Variants in AGFG2 observed in about 807,000 individuals in gnomAD.
AGFG2 encodes arf-GAP domain and FG repeat-containing protein 2.
A neutral mutation model predicts 48.0 loss-of-function variants in AGFG2; 31 were observed. That is an observed-to-expected ratio of 0.65 (90% CI 0.49 to 0.87). The LOEUF (loss-of-function observed/expected upper bound fraction) is 0.87, where lower values mean the gene tolerates loss of function less well. Among genes scored for constraint, AGFG2 ranks in the 40% least tolerant of loss-of-function variants. AGFG2 has a pLI of 0.00. For synonymous variants in AGFG2, 229 were observed against 260.8 expected, an observed-to-expected ratio of 0.88 and a Z score of 1.18; for missense variants, 599 against 632.6, an observed-to-expected ratio of 0.95 and a Z score of 0.57.
intron 3 of AGFG2, among the ~76,000 whole-genome samples, chr7:100,551,030 TTA>T (rs373297543): frequency 0.017 from 941 of 55,958 alleles, 23 homozygotes; most frequent in South Asian, 0.046. Context: ...CCTGGCTAAT[TTA>T]TATATATATA....
In AGFG2 at chr7:100,539,387, G is replaced by C; in HGVS notation, c.41G>C (p.Gly14Ala). ...AAGAAGGGCCCGGGCCCGGGCGGCG[G>C]GGTCAGCGGGGGCAAGGCGGAGGCG... The part of the protein sequence containing the change: ...AAKKGPGPGG[G>A]VSGGKAEAEA... The change falls in exon 1 of 12, where the codon GGG (glycine) becomes GCG (alanine). Residue 14 changes from glycine (G) to alanine (A), a missense_variant. Gly to Ala is a moderately conservative substitution (Grantham distance 60, BLOSUM62 0). Coordinates refer to ENST00000300176, the MANE Select transcript of AGFG2 (RefSeq NM_006076.5). 1 of 1,298,558 alleles carries C rather than the reference G, an allele frequency of 7.7e-7. No individual in the cohort carries two copies. Among genetic ancestry groups the C allele is most frequent in the Non-Finnish European group, 9.8e-7 (1 of 1,019,924 alleles). 80.4% of individuals were successfully genotyped at this position (1,298,558 alleles called of 1,614,324 possible).
In AGFG2 at chr7:100,554,300, G is replaced by A. The variant is rs770395317; in HGVS notation, c.751+42G>A. 3.2e-6 allele frequency: 5 copies of A among 1,570,614 alleles called. No individual in the cohort carries two copies. The African/African-American group carries it at 5.4e-5, about 17-fold the overall frequency. On this transcript the variant is annotated intron_variant, in intron 5 of 11. Transcript: ENST00000300176. ...ATGGGACCCTCCCTACAGCGTATAT[G>A]CTTACAACATGAGAGATCCAGTCCC... is the stretch of plus-strand genomic sequence containing the variant.
At chr7:100,557,198 C>T (rs79788092) in intron 6 of AGFG2, among the ~76,000 whole-genome samples, 8 of 86,936 alleles carry the variant, frequency 9.2e-5, no homozygotes, top group African/African-American at 3.5e-4. Flanking sequence ...ACTCTTGTCT[C>T]AAAAAAAAAA....
chr7:100,564,034 C>A, intron 10 of AGFG2, 72 bp downstream of exon 10: 3 of 1,583,594 alleles, frequency 1.9e-6, no homozygotes, highest in Non-Finnish European at 1.7e-6. Flanking sequence ...GTTGTTCCTC[C>A]GACCTCATCA....
rs566346061 is a variant in AGFG2 at position 100,561,774 on chromosome 7, G to T, written c.878-485G>T. ...TCCCGAGAAGCAGCGGCTAAATGGG[G>T]AAGGGACAGTGCTGATAGCTGGAGG... On this transcript the variant is annotated intron_variant, in intron 6 of 11. Transcript: ENST00000300176. 6.6e-5 allele frequency among the ~76,000 whole-genome samples: 10 copies of T among 152,348 alleles called. No individual in the cohort carries two copies. The South Asian group carries it at 2.1e-3, about 32-fold the overall frequency.
In AGFG2 at chr7:100,539,205, T is replaced by G. The variant is rs939804625; in HGVS notation, c.-142T>G. 9 of 792,572 alleles carry G rather than the reference T, an allele frequency of 1.1e-5. No individual in the cohort carries two copies. The highest frequency in any genetic ancestry group is 4.1e-4 in the Middle Eastern group (1 of 2,420). 49.1% of individuals were successfully genotyped at this position (792,572 alleles called of 1,614,324 possible). On this transcript the variant is annotated 5_prime_UTR_variant, in exon 1 of 12. Coordinates refer to ENST00000300176, the MANE Select transcript of AGFG2 (RefSeq NM_006076.5). The stretch of plus-strand genomic sequence containing the variant: ...TGTGCAGGACGGGCAAGGAGGGTGG[T>G]GGACGGCGAAGTCTCCTGCGGATGC...
chr7:100,546,033 T>C (rs1388870350), intron 1 of AGFG2, among the ~76,000 whole-genome samples: 1 of 152,162 alleles, frequency 6.6e-6, no homozygotes, highest in African/African-American at 2.4e-5. Flanking sequence ...TCTACAGACA[T>C]CAAGGTCAGA....
chr7:100,558,509 T>C (rs1800800671), intron 6 of AGFG2, among the ~76,000 whole-genome samples: 1 of 151,794 alleles, frequency 6.6e-6, no homozygotes, highest in East Asian at 1.9e-4. Flanking sequence ...TACAATTGAT[T>C]GCTCTAAAGA....
chr7:100,559,123 T>G (rs1800815392), intron 6 of AGFG2, among the ~76,000 whole-genome samples: 1 of 152,044 alleles, frequency 6.6e-6, no homozygotes, highest in Non-Finnish European at 1.5e-5. Context: ...AGCAAGACTC[T>G]GTCTCAAACA....
chr7:100,548,218 C>T (rs969761497), intron 1 of AGFG2, among the ~76,000 whole-genome samples: 15 of 152,012 alleles, frequency 9.9e-5, no homozygotes, highest in African/African-American at 3.4e-4. Context: ...TCTGGATGGG[C>T]AGGCTCTACC....
At chr7:100,555,941 A>T in intron 6 of AGFG2, 1 of 595,194 alleles carries the variant, frequency 1.7e-6, no homozygotes, top group Non-Finnish European at 2.7e-6. Context: ...TCATGAAAGG[A>T]AAATGACTAA....
chr7:100,539,503 C>A lies in AGFG2; in HGVS notation c.157C>A (p.Arg53Ser), dbSNP rs1800380162. 5.3e-6 allele frequency: 7 copies of A among 1,313,894 alleles called. No homozygotes were observed. The South Asian group carries it at 1.6e-4, about 30-fold the overall frequency. 81.4% of individuals were successfully genotyped at this position (1,313,894 alleles called of 1,614,324 possible). A position where few individuals can be genotyped will look rare whatever the true frequency, so the allele number is the denominator to read the frequency against. ...GNRHCFECAQ[R>S]GVTYVDITVG... The stretch of plus-strand genomic sequence containing the variant: ...CCGCCACTGCTTCGAGTGCGCCCAG[C>A]GCGGGGTCACCTACGTGGATATCAC... The change falls in exon 1 of 12, where the codon CGC becomes AGC. Residue 53 changes from arginine to serine, a missense_variant. Coordinates refer to ENST00000300176, the MANE Select transcript of AGFG2 (RefSeq NM_006076.5).
At chr7:100,546,125 T>C (rs1800505418) in intron 1 of AGFG2, among the ~76,000 whole-genome samples, 1 of 152,194 alleles carries the variant, frequency 6.6e-6, no homozygotes, top group Middle Eastern at 3.4e-3. Context: ...CATTTCTTAT[T>C]TTCTCTGCCT....
At chr7:100,554,851 T>C (rs1800724632) in intron 5 of AGFG2, among the ~76,000 whole-genome samples, 1 of 151,016 alleles carries the variant, frequency 6.6e-6, no homozygotes, top group African/African-American at 2.4e-5. Flanking sequence ...GGCAGGAGAA[T>C]TGCTTGAACC....
Sources: allele counts gnomAD v4.1 joint callset (sites outside exome capture counted in the v4.1 genomes callset), GRCh38; gene constraint gnomAD v4.1.1; transcripts MANE v1.5; gene names NCBI Gene and HGNC (gene_info 2026-07-23, HGNC 2026-07-21).